SLC66A1: variants seen among roughly 807,000 people sequenced by gnomAD.
The protein encoded by SLC66A1 is solute carrier family 66 member 1.
Under a neutral mutation model 33.0 loss-of-function variants are expected in SLC66A1, and 23 were observed. The observed-to-expected ratio is 0.70, with a 90% confidence interval of 0.50 to 0.99. The LOEUF is 0.99. SLC66A1 is among the 50% of genes least tolerant of loss of function. The probability of loss-of-function intolerance (pLI) is 0.00; values close to 1 mark genes in which losing one functional copy is unlikely to be tolerated. For synonymous variants in SLC66A1, 164 were observed against 175.5 expected, an observed-to-expected ratio of 0.93 and a Z score of 0.52; for missense variants, 335 against 383.6, an observed-to-expected ratio of 0.87 and a Z score of 1.06.
At chr1:19,327,190 T>G in intron 6 of SLC66A1, 37 bp from the exon 7 acceptor site, 1 of 1,556,242 alleles carries the variant, frequency 6.4e-7, no homozygotes, top group South Asian at 1.1e-5. Context: ...ACAAGAGGCC[T>G]GTTCGAGGTC....
At chr1:19,315,260 A>G (rs2093799050) in intron 1 of SLC66A1, among the ~76,000 whole-genome samples, 2 of 152,236 alleles carry the variant, frequency 1.3e-5, no homozygotes, top group Non-Finnish European at 1.5e-5. Context: ...CCGGAGATGG[A>G]GCATCAGGTG....
intron 1 of SLC66A1, among the ~76,000 whole-genome samples, chr1:19,313,898 A>G (rs149586452): frequency 0.01 from 1,599 of 152,298 alleles, 9 homozygotes; most frequent in Non-Finnish European, 0.015. Context: ...CTCCAGCCCA[A>G]CCTTTCTCAA....
At chr1:19,327,623 T>C in intron 7 of SLC66A1, 1 of 724,882 alleles carries the variant, frequency 1.4e-6, no homozygotes, top group South Asian at 1.5e-5. Context: ...GAGCCGTGAG[T>C]GAGCAAGAAC....
intron 2 of SLC66A1, 103 bp from the exon 3 acceptor site, chr1:19,324,530 G>A (rs908790573): frequency 2.6e-5 from 38 of 1,434,136 alleles, no homozygotes; most frequent in East Asian, 1.6e-4. Context: ...CTCCATCGCC[G>A]CCTCGATCCC....
At chr1:19,322,635 G>A (rs9661390) in intron 2 of SLC66A1, among the ~76,000 whole-genome samples, 32,612 of 152,042 alleles carry the variant, frequency 0.21, 4,117 homozygotes, top group South Asian at 0.33. Context: ...AGCTCGTGTC[G>A]GGGAGGCCCA....
At chr1:19,331,046 C>G (rs2093891035), downstream of SLC66A1, among the ~76,000 whole-genome samples, 1 of 152,192 alleles carries the variant, frequency 6.6e-6, no homozygotes, top group Non-Finnish European at 1.5e-5. Context: ...GAGTCTTGCT[C>G]TGCCGCCCAA....
chr1:19,333,917 A>ACAAAAC (rs1553264951), downstream of SLC66A1, among the ~76,000 whole-genome samples: 2 of 151,442 alleles, frequency 1.3e-5, no homozygotes, highest in Non-Finnish European at 2.9e-5. This position sits in a 1 kb window ranked among gnomAD's most constrained non-coding sequence, Gnocchi z 4.2. Context: ...ACAAAACAAA[A>ACAAAAC]CAAAACAAAA....
At chr1:19,329,781 A>C (rs532778108), downstream of SLC66A1, among the ~76,000 whole-genome samples, 1 of 152,264 alleles carries the variant, frequency 6.6e-6, no homozygotes, top group African/African-American at 2.4e-5. Flanking sequence ...AAGAGGAGCA[A>C]CCAGATCTTG....
chr1:19,314,417 C>T (rs1248121493), intron 1 of SLC66A1, among the ~76,000 whole-genome samples: 1 of 152,158 alleles, frequency 6.6e-6, no homozygotes, highest in Non-Finnish European at 1.5e-5. Flanking sequence ...ACCAAGGTAC[C>T]TTCCTCGAGA....
chr1:19,319,605 G>GTTTTTTTTTTGTTTTTTTTTTTTT (rs56769657), intron 2 of SLC66A1, among the ~76,000 whole-genome samples: 5 of 111,870 alleles, frequency 4.5e-5, no homozygotes, highest in African/African-American at 2.0e-4. Context: ...GCACATTCAT[G>GTTTTTTTTTTGTTTTTTTTTTTTT]TTTTTTTTTT....
chr1:19,322,511 T>C (rs1416009228), intron 2 of SLC66A1, among the ~76,000 whole-genome samples: 3 of 152,078 alleles, frequency 2.0e-5, no homozygotes, highest in Non-Finnish European at 4.4e-5. Flanking sequence ...ATTAAGGGCC[T>C]TCTCAGTGCT....
chr1:19,313,248 T>G (rs939341260), intron 1 of SLC66A1: 4 of 985,296 alleles, frequency 4.1e-6, no homozygotes, highest in Non-Finnish European at 4.8e-6. Flanking sequence ...TCCTCAACCC[T>G]GGGCTGTTCG....
At chr1:19,322,734 G>T (rs900679566) in intron 2 of SLC66A1, among the ~76,000 whole-genome samples, 1 of 152,182 alleles carries the variant, frequency 6.6e-6, no homozygotes, top group African/African-American at 2.4e-5. Context: ...TGAGACCAGA[G>T]CTGGGAGGAA....
At chr1:19,319,603 A>ATTTTTTTTTTTTT (rs1472435408) in intron 2 of SLC66A1, among the ~76,000 whole-genome samples, 1 of 51,068 alleles carries the variant, frequency 2.0e-5, no homozygotes, top group African/African-American at 1.0e-4. Context: ...GTGCACATTC[A>ATTTTTTTTTTTTT]TGTTTTTTTT....
At position 19,328,168 on chromosome 1, in the gene SLC66A1, CTTT is replaced by C; in HGVS notation, c.805-403_805-401del. The stretch of plus-strand genomic sequence containing the variant: ...TCATTTCGGAGCAAGTAAACATGGC[CTTT>C]GTTTTAATATTTGTTAAGTCCCTGC... On this transcript the variant is annotated intron_variant, in intron 7 of 7. Transcript: ENST00000375153. This position sits in a 1 kb window ranked among gnomAD's most constrained non-coding sequence, Gnocchi z 4.7. 2 of 311,752 alleles carry C rather than the reference CTTT, an allele frequency of 6.4e-6. No homozygotes were observed. Among genetic ancestry groups the C allele is most frequent in the Non-Finnish European group, 1.2e-5 (2 of 163,710 alleles). The allele number at this position is 311,752 out of a possible 1,614,324, so 19.3% of individuals were successfully genotyped here.
At chr1:19,325,411 G>A in intron 3 of SLC66A1, 84 bp from the exon 4 acceptor site, 1 of 941,014 alleles carries the variant, frequency 1.1e-6, no homozygotes, top group East Asian at 2.5e-5. Context: ...GGGTCACCCA[G>A]CTGGGATATG....
Position 19,325,437 on chromosome 1 carries a change from G to A in SLC66A1, c.295-58G>A, listed in dbSNP as rs754796344. ...CTGGGATATGACAGAGGGCTGCCGG[G>A]GCGTGGTCTCAGATCCTGGGACTGC... On this transcript the variant is annotated intron_variant, in intron 3 of 7. Coordinates refer to ENST00000375153, the MANE Select transcript of SLC66A1 (RefSeq NM_001040125.2). 289 of 1,233,094 alleles carry A rather than the reference G, an allele frequency of 2.3e-4. No homozygotes were observed. The Middle Eastern group carries it at 2.4e-3, about 10-fold the overall frequency. The allele number at this position is 1,233,094 out of a possible 1,614,324, so 76.4% of individuals were successfully genotyped here.
At chr1:19,317,416 T>C (rs1012722255) in intron 1 of SLC66A1, among the ~76,000 whole-genome samples, 184 bp from the exon 2 acceptor site, 8 of 152,188 alleles carry the variant, frequency 5.3e-5, no homozygotes, top group African/African-American at 1.9e-4. Flanking sequence ...AGTTGGCGTG[T>C]GTTTGCTGTG....
intron 7 of SLC66A1, 126 bp downstream of exon 7, chr1:19,327,538 T>TCCCTCCCTCCCTCCCC (rs2093875309): frequency 2.3e-6 from 2 of 884,890 alleles, no homozygotes; most frequent in African/African-American, 2.3e-5. Flanking sequence ...CATCCCTCCC[T>TCCCTCCCTCCCTCCCC]CCCTCCCTCC....
Sources: allele counts gnomAD v4.1 joint callset (sites outside exome capture counted in the v4.1 genomes callset), GRCh38; gene constraint gnomAD v4.1.1; non-coding constraint Gnocchi (gnomAD v3.1); transcripts MANE v1.5; gene names NCBI Gene and HGNC (gene_info 2026-07-23, HGNC 2026-07-21).